ZCWPW2: variants seen among roughly 807,000 people sequenced by gnomAD.
ZCWPW2 encodes the protein zinc finger CW-type PWWP domain protein 2.
A neutral mutation model predicts 46.6 loss-of-function variants in ZCWPW2; 45 were observed. The observed-to-expected ratio is 0.96, with a 90% CI of 0.76 to 1.24. The LOEUF is 1.24. ZCWPW2 is among the 50% of genes most tolerant of loss of function. The probability of loss-of-function intolerance (pLI) is 0.00; values close to 1 mark genes in which losing one functional copy is unlikely to be tolerated. For missense variants in ZCWPW2, 429 were observed against 403.9 expected (o/e 1.06, Z -0.53); for synonymous variants, 152 against 137.1 (o/e 1.11, Z -0.76).
intron 1 of ZCWPW2, among the ~76,000 whole-genome samples, chr3:28,375,755 C>A (rs1242712125): frequency 7.1e-6 from 1 of 141,582 alleles, no homozygotes; most frequent in Admixed American, 7.1e-5. Context: ...TTTTTTTGTG[C>A]TCATTAACTG....
chr3:28,413,486 T>C, intron 3 of ZCWPW2, 86 bp downstream of exon 3: 2 of 1,184,680 alleles, frequency 1.7e-6, no homozygotes, highest in East Asian at 4.8e-5. Context: ...ACTAAACATT[T>C]TTCTTTTGTC....
intron 1 of ZCWPW2, among the ~76,000 whole-genome samples, chr3:28,371,043 T>TA (rs1705317656): frequency 1.3e-5 from 2 of 152,186 alleles, no homozygotes; most frequent in East Asian, 3.9e-4. Context: ...ATTTTTTTTT[T>TA]AACTATAATT....
intron 6 of ZCWPW2, among the ~76,000 whole-genome samples, chr3:28,495,495 A>G (rs1186166875): frequency 6.6e-6 from 1 of 152,102 alleles, no homozygotes; most frequent in Non-Finnish European, 1.5e-5. Context: ...AGGCAATACT[A>G]TTCTCAGGCT....
At chr3:28,430,545 G>A (rs1305612273) in intron 3 of ZCWPW2, among the ~76,000 whole-genome samples, 1 of 152,190 alleles carries the variant, frequency 6.6e-6, no homozygotes, top group Non-Finnish European at 1.5e-5. Context: ...GAGGACTGTT[G>A]GAAGGGCATG....
intron 4 of ZCWPW2, among the ~76,000 whole-genome samples, chr3:28,439,744 A>G (rs1481965674): frequency 1.3e-5 from 2 of 152,246 alleles, no homozygotes; most frequent in Non-Finnish European, 2.9e-5. Context: ...TGCTGATATG[A>G]AGTCAATAAA....
rs535994964 is a variant in ZCWPW2, at chr3:28,499,236, G to A, written c.657+7063G>A. 3.3e-5 allele frequency among the ~76,000 whole-genome samples: 5 copies of A among 152,210 alleles called. 1 individual carries two copies. The highest frequency in any genetic ancestry group is 3.3e-4 in the Admixed American group (5 of 15,266). Reference sequence around the variant, plus strand: ...CGGAATCACCACACTGTCTTCCACAGTGGTTGAACTAATTTATACTCCCAC... The same window carrying A: ...CGGAATCACCACACTGTCTTCCACAATGGTTGAACTAATTTATACTCCCAC... On this transcript the variant is annotated intron_variant, in intron 6 of 9. Coordinates refer to ENST00000383768, the MANE Select transcript of ZCWPW2 (RefSeq NM_001040432.4).
chr3:28,488,045 CT>C (rs1268257410), intron 5 of ZCWPW2, among the ~76,000 whole-genome samples: 3 of 152,136 alleles, frequency 2.0e-5, no homozygotes, highest in Non-Finnish European at 4.4e-5. Context: ...TCTCCTCCCC[CT>C]GATGGAAGCC....
At chr3:28,357,195 A>G (rs1012689447) in intron 1 of ZCWPW2, among the ~76,000 whole-genome samples, 3 of 152,218 alleles carry the variant, frequency 2.0e-5, no homozygotes, top group Non-Finnish European at 2.9e-5. Context: ...GAGCCATTTT[A>G]TAAAGCTACG....
intron 4 of ZCWPW2, among the ~76,000 whole-genome samples, chr3:28,436,444 TTTTG>T: frequency 6.6e-6 from 1 of 151,796 alleles, no homozygotes; most frequent in East Asian, 1.9e-4. Flanking sequence ...GCTGGATGTT[TTTTG>T]TTTGTTTTGT....
rs906293085 is a variant in ZCWPW2 at position 28,514,075 on chromosome 3, T to C, written c.669T>C (p.Ser223=). The C allele has an allele frequency of 4.6e-6, 7 of 1,510,418 alleles. No individual in the cohort carries two copies. The African/African-American group carries it at 9.7e-5, about 21-fold the overall frequency. The allele number at this position is 1,510,418 out of a possible 1,614,324, so 93.6% of individuals were successfully genotyped here. The change falls in exon 7 of 10, where the codon TCT becomes TCC. Residue 223 remains serine, a synonymous_variant. Transcript: ENST00000383768. ...AALVKKRKQT[S]KNNIEKKKPK... ...TTTTTGTGTTATAGAAGCAGACTTC[T>C]AAAAATAATATTGAAAAGAAGAAGC...
intron 1 of ZCWPW2, among the ~76,000 whole-genome samples, chr3:28,365,494 C>G (rs149276300): frequency 0.031 from 4,329 of 140,614 alleles, 611 homozygotes; most frequent in African/African-American, 0.097. Flanking sequence ...CTGTTCTGTT[C>G]CGTTAGTCTA....
At position 28,471,630 on chromosome 3, in the gene ZCWPW2, G is replaced by A. The variant is rs190854616; in HGVS notation, c.493-7184G>A. On this transcript the variant is annotated intron_variant, in intron 4 of 9. Transcript: ENST00000383768. ...AATAAAAACCACAGACACACAGCTG[G>A]TATGTATCATACTGAATGGGGAAAA... Among the ~76,000 whole-genome samples, 3 of 152,208 alleles carry A rather than the reference G, an allele frequency of 2.0e-5. No homozygotes were observed. The East Asian group carries it at 5.8e-4, about 29-fold the overall frequency.
chr3:28,509,646 A>G (rs1411020972), intron 6 of ZCWPW2, among the ~76,000 whole-genome samples: 1 of 152,122 alleles, frequency 6.6e-6, no homozygotes, highest in Non-Finnish European at 1.5e-5. Flanking sequence ...AGAAATGTCC[A>G]TTCAAATTCA....
Position 28,435,104 on chromosome 3 carries a change from T to A in ZCWPW2, c.333-6T>A. On this transcript the variant is annotated splice_polypyrimidine_tract_variant and splice_region_variant and intron_variant, in intron 3 of 9. Transcript: ENST00000383768. Reference sequence around the variant, plus strand: ...CAAAATAATTACAAATATTTTCTTTTGAAAGTTGGCCAGGAATACTTTGCC... The same window carrying A: ...CAAAATAATTACAAATATTTTCTTTAGAAAGTTGGCCAGGAATACTTTGCC... 1.2e-6 allele frequency: 2 copies of A among 1,604,932 alleles called. No homozygotes were observed. Among genetic ancestry groups the A allele is most frequent in the Non-Finnish European group, 1.7e-6 (2 of 1,178,004 alleles).
chr3:28,359,730 G>A (rs2125692174), intron 1 of ZCWPW2, among the ~76,000 whole-genome samples: 1 of 152,216 alleles, frequency 6.6e-6, no homozygotes, highest in East Asian at 1.9e-4. Context: ...ATAAAATGTA[G>A]CATTAGGCAT....
intron 2 of ZCWPW2, among the ~76,000 whole-genome samples, chr3:28,410,902 C>A (rs1273293756): frequency 6.6e-6 from 1 of 151,812 alleles, no homozygotes; most frequent in Non-Finnish European, 1.5e-5. Context: ...AGGGCATAAA[C>A]AAACTTCAAA....
intron 4 of ZCWPW2, among the ~76,000 whole-genome samples, chr3:28,437,155 T>C (rs1442193227): frequency 2.0e-5 from 3 of 152,130 alleles, no homozygotes; most frequent in African/African-American, 7.2e-5. Flanking sequence ...CAATGTAGAG[T>C]TTTAAAAATT....
At chr3:28,445,676 C>T (rs1026390057) in intron 4 of ZCWPW2, among the ~76,000 whole-genome samples, 2 of 152,000 alleles carry the variant, frequency 1.3e-5, no homozygotes, top group African/African-American at 4.8e-5. Context: ...AGCAAAATGA[C>T]AGAAATAATT....
Position 28,514,632 on chromosome 3 carries a change from G to A in ZCWPW2, c.716+510G>A, listed in dbSNP as rs1575228402. Among the ~76,000 whole-genome samples, 5 of 152,188 alleles carry A rather than the reference G, an allele frequency of 3.3e-5. No individual in the cohort carries two copies. The South Asian group carries it at 1.0e-3, about 32-fold the overall frequency. ...AAAAGAATTAATAGAATTATAAGTA[G>A]TAGTCTTAGAAGTACGGAAAAAGCT... On this transcript the variant is annotated intron_variant, in intron 7 of 9. Transcript: ENST00000383768.
Sources: allele counts gnomAD v4.1 joint callset (sites outside exome capture counted in the v4.1 genomes callset), GRCh38; gene constraint gnomAD v4.1.1; transcripts MANE v1.5; gene names NCBI Gene and HGNC (gene_info 2026-07-23, HGNC 2026-07-21).